ARHGAP28: variants seen among roughly 807,000 people sequenced by gnomAD.
ARHGAP28 encodes the protein Rho GTPase activating protein 28.
ARHGAP28 carries 56 observed loss-of-function variants against 90.7 expected under a neutral mutation model. The observed-to-expected ratio is 0.62, with a 90% CI of 0.50 to 0.77. The LOEUF (loss-of-function observed/expected upper bound fraction) is 0.77, where lower values mean the gene tolerates loss of function less well. Among genes scored for constraint, ARHGAP28 ranks in the 30% least tolerant of loss-of-function variants. The pLI, the probability that ARHGAP28 is intolerant of heterozygous loss-of-function variation, is 0.00. For synonymous variants in ARHGAP28, 308 were observed against 323.3 expected (o/e 0.95, Z 0.51); for missense variants, 869 against 900.9 (o/e 0.96, Z 0.45).
chr18:6,889,756 A>G (rs1394977866), intron 12 of ARHGAP28, 132 bp from the exon 13 acceptor site: 4 of 778,088 alleles, frequency 5.1e-6, no homozygotes, highest in Admixed American at 4.3e-5. Flanking sequence ...GAGGGGAAAC[A>G]TGGTACGTTT....
In ARHGAP28 at chr18:6,890,530, C is replaced by T. The variant is rs758958518; in HGVS notation, c.1835C>T (p.Thr612Ile). 1 of 1,609,352 alleles carries T rather than the reference C, an allele frequency of 6.2e-7. No homozygotes were observed. Among genetic ancestry groups the T allele is most frequent in the Non-Finnish European group, 8.5e-7 (1 of 1,178,040 alleles). Residue 612 changes from threonine (T) to isoleucine (I), a missense_variant, in exon 14 of 18, where the codon ACC (threonine) becomes ATC (isoleucine). Coordinates refer to ENST00000383472, the MANE Select transcript of ARHGAP28 (RefSeq NM_001366230.1). ...PSVRKLLRRK[T>I]LERETASPKT... ...GTCAGGAAGCTGCTCAGGAGGAAGACCCTCGAGCGGGAGGTAAGACAGCAA... is the reference window on the plus strand; with the variant it reads ...GTCAGGAAGCTGCTCAGGAGGAAGATCCTCGAGCGGGAGGTAAGACAGCAA...
At chr18:6,753,487 T>C (rs1249651488) in intron 1 of ARHGAP28, among the ~76,000 whole-genome samples, 4 of 152,226 alleles carry the variant, frequency 2.6e-5, no homozygotes, top group Admixed American at 2.6e-4. Context: ...TGCAATCTTA[T>C]GATTTACTCT....
intron 7 of ARHGAP28, 121 bp downstream of exon 7, chr18:6,870,853 T>A (rs542614924): frequency 2.0e-5 from 21 of 1,070,656 alleles, no homozygotes; most frequent in Non-Finnish European, 2.4e-5. Context: ...CAGGCTGGAG[T>A]GCAGTGGCGC....
chr18:6,812,836 T>G (rs2056566464), intron 1 of ARHGAP28, among the ~76,000 whole-genome samples: 1 of 152,240 alleles, frequency 6.6e-6, no homozygotes, highest in Admixed American at 6.5e-5. Flanking sequence ...AGATTACTGA[T>G]CTGTGCCTTT....
At chr18:6,809,810 G>A (rs924511087) in intron 1 of ARHGAP28, among the ~76,000 whole-genome samples, 1 of 152,106 alleles carries the variant, frequency 6.6e-6, no homozygotes, top group Admixed American at 6.6e-5. Flanking sequence ...ACACAGAGCC[G>A]AACCATATCA....
Position 6,909,027 on chromosome 18 carries a change from A to G in ARHGAP28, c.2095+3A>G, listed in dbSNP as rs1484554106. 1 of 1,449,738 alleles carries G rather than the reference A, an allele frequency of 6.9e-7. No homozygotes were observed. The highest frequency in any genetic ancestry group is 9.6e-7 in the Non-Finnish European group (1 of 1,037,560). The allele number at this position is 1,449,738 out of a possible 1,614,324, so 89.8% of individuals were successfully genotyped here. ...ATATGAAATTGGAGGAAATATAGGTAAGCATACTGTAATAATTTCTACTGC... is the reference window on the plus strand; with the variant it reads ...ATATGAAATTGGAGGAAATATAGGTGAGCATACTGTAATAATTTCTACTGC... On this transcript the variant is annotated splice_donor_region_variant and intron_variant, in intron 17 of 17. Coordinates refer to ENST00000383472, the MANE Select transcript of ARHGAP28 (RefSeq NM_001366230.1).
chr18:6,827,328 A>C (rs1345515072), intron 2 of ARHGAP28, among the ~76,000 whole-genome samples: 9 of 128,562 alleles, frequency 7.0e-5, no homozygotes, highest in East Asian at 2.4e-4. Flanking sequence ...TGAACCCTCC[A>C]CCTCCCTCCC....
At chr18:6,817,099 A>C (rs2056596246) in intron 1 of ARHGAP28, among the ~76,000 whole-genome samples, 1 of 150,686 alleles carries the variant, frequency 6.6e-6, no homozygotes. Flanking sequence ...AAAAAAAAAA[A>C]AGTCAGGAGT....
intron 1 of ARHGAP28, among the ~76,000 whole-genome samples, chr18:6,824,247 A>G (rs1011326484): frequency 6.6e-6 from 1 of 152,176 alleles, no homozygotes; most frequent in Non-Finnish European, 1.5e-5. Flanking sequence ...TAAAGTACAG[A>G]GAATTTTTTA....
chr18:6,768,424 T>C (rs552544966), intron 1 of ARHGAP28, among the ~76,000 whole-genome samples: 1 of 152,318 alleles, frequency 6.6e-6, no homozygotes, highest in African/African-American at 2.4e-5. Flanking sequence ...GAGTAGACTT[T>C]ACTTAGGCTG....
At chr18:6,825,617 C>G (rs1014706623) in intron 2 of ARHGAP28, among the ~76,000 whole-genome samples, 1 of 152,166 alleles carries the variant, frequency 6.6e-6, no homozygotes, top group African/African-American at 2.4e-5. Flanking sequence ...TACCTCCCCC[C>G]TCTAGTAGTC....
intron 15 of ARHGAP28, 75 bp downstream of exon 15, chr18:6,894,966 G>A (rs1212929505): frequency 3.2e-5 from 44 of 1,370,124 alleles, no homozygotes; most frequent in Non-Finnish European, 4.0e-5. Context: ...CCACATTTAT[G>A]TATAATGTTG....
At chr18:6,911,034 C>CCA (rs2057395764) in intron 17 of ARHGAP28, among the ~76,000 whole-genome samples, 1 of 152,034 alleles carries the variant, frequency 6.6e-6, no homozygotes, top group Non-Finnish European at 1.5e-5. Context: ...TGGGGTTTCA[C>CCA]TGAGTTTGCC....
intron 6 of ARHGAP28, 148 bp from the exon 7 acceptor site, chr18:6,870,442 G>A (rs761762410): frequency 8.2e-6 from 6 of 730,244 alleles, no homozygotes; most frequent in African/African-American, 3.6e-5. Flanking sequence ...TGAACTCCTC[G>A]GGGTGAGTCT....
chr18:6,779,104 G>GAAGT (rs1326601277), intron 1 of ARHGAP28: 5 of 152,242 alleles, frequency 3.3e-5, no homozygotes, highest in Admixed American at 3.3e-4. Flanking sequence ...CATTGTAGTA[G>GAAGT]AAGTGTTTCC....
chr18:6,910,511 C>A (rs945238701), intron 17 of ARHGAP28, among the ~76,000 whole-genome samples: 6 of 152,210 alleles, frequency 3.9e-5, no homozygotes, highest in African/African-American at 1.4e-4. Context: ...TCTGACTTTT[C>A]CCCAGGATGC....
At chr18:6,842,537 C>A (rs1056386743) in intron 3 of ARHGAP28, among the ~76,000 whole-genome samples, 9 of 152,298 alleles carry the variant, frequency 5.9e-5, no homozygotes, top group African/African-American at 1.9e-4. Context: ...AAGTTCTCTT[C>A]TTTTCCTTGA....
chr18:6,759,259 G>C (rs1042699052), intron 1 of ARHGAP28, among the ~76,000 whole-genome samples: 1 of 147,944 alleles, frequency 6.8e-6, no homozygotes, highest in Admixed American at 6.9e-5. Context: ...GAAAATTTGG[G>C]GAAAAAACTG....
chr18:6,898,287 A>C (rs561684204), intron 16 of ARHGAP28: 29 of 484,216 alleles, frequency 6.0e-5, no homozygotes, highest in African/African-American at 5.4e-4. Context: ...GATGGCCTCA[A>C]ACGTTTTTTT....
Sources: gnomAD v4.1 joint callset for allele counts (sites outside exome capture counted in the v4.1 genomes callset) on GRCh38, gnomAD v4.1.1 for gene constraint, MANE v1.5 for transcripts, NCBI Gene and HGNC (gene_info 2026-07-23, HGNC 2026-07-21) for gene names.